The following RGS17 variants were observed in gnomAD, a reference collection of about 807,000 sequenced individuals.
The protein encoded by RGS17 is regulator of G protein signaling 17.
A neutral mutation model predicts 25.5 loss-of-function variants in RGS17; 12 were observed. The ratio of observed to expected loss-of-function variants is 0.47; its 90% CI spans 0.30 to 0.76. The LOEUF (loss-of-function observed/expected upper bound fraction) is 0.76, where lower values mean the gene tolerates loss of function less well. Ranked by LOEUF, RGS17 falls within the 30% of genes least tolerant of loss-of-function variation. The probability of loss-of-function intolerance (pLI) is 0.07; values close to 1 mark genes in which losing one functional copy is unlikely to be tolerated. For synonymous variants in RGS17, 71 were observed against 76.9 expected (o/e 0.92, Z 0.40); for missense variants, 196 against 242.2 (o/e 0.81, Z 1.27).
intron 1 of RGS17, among the ~76,000 whole-genome samples, chr6:153,055,998 G>C (rs756828226): frequency 6.6e-6 from 1 of 152,160 alleles, no homozygotes; most frequent in African/African-American, 2.4e-5. Flanking sequence ...ACACTGTTAA[G>C]GCTAGGATGG....
intron 1 of RGS17, among the ~76,000 whole-genome samples, chr6:153,070,917 A>G (rs971139603): frequency 2.7e-5 from 4 of 150,418 alleles, no homozygotes; most frequent in Non-Finnish European, 5.9e-5. Flanking sequence ...ACATATGTGT[A>G]CATGTGTATC....
chr6:153,014,028 C>G (rs140641905), intron 4 of RGS17, among the ~76,000 whole-genome samples: 3 of 152,318 alleles, frequency 2.0e-5, no homozygotes, highest in African/African-American at 7.2e-5. Context: ...ATAGACAAAA[C>G]AGCCTTATAT....
chr6:153,116,807 AG>A (rs1777553764), intron 1 of RGS17, among the ~76,000 whole-genome samples: 1 of 152,198 alleles, frequency 6.6e-6, no homozygotes. Context: ...CATCATTCTC[AG>A]CAAACTAACA....
intron 1 of RGS17, among the ~76,000 whole-genome samples, chr6:153,055,564 AT>A (rs143664917): frequency 1.3e-5 from 2 of 151,380 alleles, no homozygotes; most frequent in African/African-American, 2.4e-5. Flanking sequence ...GGGACTTCAG[AT>A]TTTTTTTTGA....
chr6:153,094,614 C>T (rs898666601), intron 1 of RGS17, among the ~76,000 whole-genome samples: 2 of 152,118 alleles, frequency 1.3e-5, no homozygotes, highest in Admixed American at 1.3e-4. Context: ...TCAGCTTCAA[C>T]ATAATAATTT....
chr6:153,082,879 T>C (rs1464351249), intron 1 of RGS17, among the ~76,000 whole-genome samples: 2 of 152,114 alleles, frequency 1.3e-5, no homozygotes, highest in Non-Finnish European at 2.9e-5. Flanking sequence ...GAGTCTAGAG[T>C]AGCCATCATT....
Position 153,039,681 on chromosome 6 carries a change from G to A in RGS17, c.119+4219C>T, listed in dbSNP as rs559975456. On this transcript the variant is annotated intron_variant, in intron 2 of 4. Transcript: ENST00000206262. ...TCTGAATGATGTTGCAAGAGAGTTC[G>A]TAGGACAATTTGAAAATGAGCTTTA... Among the ~76,000 whole-genome samples the A allele has an allele frequency of 5.9e-5, 9 of 152,308 alleles. No individual in the cohort carries two copies. The East Asian group carries it at 1.2e-3, about 20-fold the overall frequency.
At chr6:153,065,977 G>C (rs531730929) in intron 1 of RGS17, among the ~76,000 whole-genome samples, 12 of 151,924 alleles carry the variant, frequency 7.9e-5, no homozygotes, top group Non-Finnish European at 1.6e-4. Context: ...AATAAAAAAA[G>C]ATCACTGAAA....
At chr6:153,090,019 G>A (rs35325703) in intron 1 of RGS17, among the ~76,000 whole-genome samples, 1 of 152,132 alleles carries the variant, frequency 6.6e-6, no homozygotes, top group Non-Finnish European at 1.5e-5. Flanking sequence ...GCTTCTCTTA[G>A]ATTAACTGAA....
chr6:153,044,342 T>C (rs939019747), intron 1 of RGS17, among the ~76,000 whole-genome samples: 3 of 152,244 alleles, frequency 2.0e-5, no homozygotes, highest in African/African-American at 7.2e-5. Context: ...TATTTTTAAC[T>C]TCCTTCTTTA....
In RGS17 at chr6:153,025,709, TATAA is replaced by T. The variant is rs200422946; in HGVS notation, c.209+741_209+744del. Among the ~76,000 whole-genome samples, 1,224 of 147,218 alleles carry T rather than the reference TATAA, an allele frequency of 8.3e-3. 15 individuals are homozygous for T. Among genetic ancestry groups the T allele is most frequent in the African/African-American group, 0.029 (1,166 of 40,624 alleles). On this transcript the variant is annotated intron_variant, in intron 3 of 4. Coordinates refer to ENST00000206262, the MANE Select transcript of RGS17 (RefSeq NM_012419.5). ...AAACATATATATAAAAACATATATA[TATAA>T]ACATATATATAAACATATATATGGT...
At chr6:153,072,287 A>C (rs1223688626) in intron 1 of RGS17, among the ~76,000 whole-genome samples, 1 of 152,182 alleles carries the variant, frequency 6.6e-6, no homozygotes, top group Non-Finnish European at 1.5e-5. Context: ...CAAATAACAC[A>C]CATAGGTTAT....
chr6:153,066,933 G>A (rs562647363), intron 1 of RGS17, among the ~76,000 whole-genome samples: 4 of 152,020 alleles, frequency 2.6e-5, no homozygotes, highest in South Asian at 2.1e-4. Context: ...CCAGCTACTC[G>A]GGAGGCTGAG....
intron 2 of RGS17, among the ~76,000 whole-genome samples, chr6:153,031,312 A>AT (rs1232111035): frequency 6.6e-6 from 1 of 152,240 alleles, no homozygotes. Flanking sequence ...AAAAAGGCCC[A>AT]TTATTACAGA....
intron 1 of RGS17, among the ~76,000 whole-genome samples, chr6:153,062,521 C>T (rs1776653845): frequency 6.6e-6 from 1 of 152,130 alleles, no homozygotes; most frequent in Non-Finnish European, 1.5e-5. Flanking sequence ...GGCTAAAGTA[C>T]CCTAGGGCCC....
At chr6:153,027,727 T>G (rs1214422702) in intron 2 of RGS17, among the ~76,000 whole-genome samples, 1 of 152,064 alleles carries the variant, frequency 6.6e-6, no homozygotes, top group African/African-American at 2.4e-5. Context: ...GGTGCTATAG[T>G]TGGAATTGGA....
chr6:153,047,510 G>A (rs1776400430), intron 1 of RGS17, among the ~76,000 whole-genome samples: 1 of 152,208 alleles, frequency 6.6e-6, no homozygotes, highest in African/African-American at 2.4e-5. Context: ...ATTTGCCCTT[G>A]CAAAATATAT....
chr6:153,099,132 C>G (rs1777259441), intron 1 of RGS17, among the ~76,000 whole-genome samples: 1 of 152,008 alleles, frequency 6.6e-6, no homozygotes, highest in Non-Finnish European at 1.5e-5. Flanking sequence ...ATGAACACAC[C>G]AGTAAGATAC....
intron 1 of RGS17, among the ~76,000 whole-genome samples, chr6:153,044,283 C>T (rs1365373556): frequency 6.6e-6 from 1 of 152,070 alleles, no homozygotes; most frequent in Non-Finnish European, 1.5e-5. Context: ...ACAAAGTTGC[C>T]ACGTAATCAA....
Sources: gnomAD v4.1 joint callset for allele counts (sites outside exome capture counted in the v4.1 genomes callset) on GRCh38, gnomAD v4.1.1 for gene constraint, MANE v1.5 for transcripts, NCBI Gene and HGNC (gene_info 2026-07-23, HGNC 2026-07-21) for gene names.